Variants in SMAD2 observed in about 807,000 individuals in gnomAD.
SMAD2 encodes the protein SMAD family member 2, also known as MAD homolog 2.
In SMAD2, 8 loss-of-function variants were observed where a neutral mutation model predicts 64.4. The ratio of observed to expected loss-of-function variants is 0.12; its 90% confidence interval spans 0.07 to 0.22. The LOEUF (loss-of-function observed/expected upper bound fraction) is 0.22. SMAD2 is among the 10% of genes least tolerant of loss of function. The pLI, the probability that SMAD2 is intolerant of heterozygous loss-of-function variation, is 1.00. For synonymous variants in SMAD2, 203 were observed against 195.8 expected (o/e 1.04, Z -0.31); for missense variants, 289 against 561.2 (o/e 0.51, Z 4.90).
At position 47,850,222 on chromosome 18, in the gene SMAD2, A is replaced by G. The variant is rs973184451; in HGVS notation, c.784+1052T>C. Among the ~76,000 whole-genome samples, 9 of 63,428 alleles carry G rather than the reference A, an allele frequency of 1.4e-4. 1 individual carries two copies. The highest frequency in any genetic ancestry group is 4.4e-4 in the African/African-American group (7 of 15,950). 41.6% of individuals were successfully genotyped at this position (63,428 alleles called of 152,430 possible). ...TATATATATATTATTATATATATGT[A>G]TAATATATATTATATATTATATATT... is the stretch of plus-strand genomic sequence containing the variant. On this transcript the variant is annotated intron_variant, in intron 7 of 10. Transcript: ENST00000262160.
intron 2 of SMAD2, among the ~76,000 whole-genome samples, chr18:47,877,873 T>C (rs1450506753): frequency 6.6e-6 from 1 of 152,120 alleles, no homozygotes; most frequent in South Asian, 2.1e-4. Flanking sequence ...TTCAAAAAGG[T>C]TGAATCATCA....
At position 47,816,092 on chromosome 18, in the gene SMAD2, T is replaced by G. The variant is rs1912355517; in HGVS notation, c.*25735A>C. The G allele has an allele frequency of 6.6e-6, 1 of 152,234 alleles. No individual in the cohort carries two copies. Among genetic ancestry groups the G allele is most frequent in the African/African-American group, 2.4e-5 (1 of 41,456 alleles). The allele number at this position is 152,234 out of a possible 1,614,324, so 9.4% of individuals were successfully genotyped here. On this transcript the variant is annotated 3_prime_UTR_variant, in exon 11 of 11. Coordinates refer to ENST00000262160, the MANE Select transcript of SMAD2 (RefSeq NM_005901.6). Reference sequence around the variant, plus strand: ...GACGGTAAACACATACCTCATGTCTTGGCTTCTAGAGCCCGGAGATAAGAT... The same window carrying G: ...GACGGTAAACACATACCTCATGTCTGGGCTTCTAGAGCCCGGAGATAAGAT...
In SMAD2 at chr18:47,903,098, A is replaced by G. The variant is rs368550948; in HGVS notation, c.-53-6289T>C. Among the ~76,000 whole-genome samples the G allele has an allele frequency of 2.5e-4, 38 of 152,174 alleles. No homozygotes were observed. In the East Asian group the frequency reaches 7.0e-3, roughly 28 times the overall value. ...CCATAAATGCAAAAAATCTACCCTC[A>G]TCAATGGGGGATGGGGGGAGGGACA... On this transcript the variant is annotated intron_variant, in intron 1 of 10. Coordinates refer to ENST00000262160, the MANE Select transcript of SMAD2 (RefSeq NM_005901.6).
chr18:47,811,271 A>C lies in SMAD2; in HGVS notation c.*30556T>G, dbSNP rs964681809. The C allele has an allele frequency of 6.6e-6, 1 of 152,158 alleles. No individual in the cohort carries two copies. Among genetic ancestry groups the C allele is most frequent in the Non-Finnish European group, 1.5e-5 (1 of 68,120 alleles). 9.4% of individuals were successfully genotyped at this position (152,158 alleles called of 1,614,324 possible). On this transcript the variant is annotated 3_prime_UTR_variant, in exon 11 of 11. Transcript: ENST00000262160. ...TGGATCACAAGGTCAGGAGATTGAG[A>C]CCATCCTGGCTAACACGGTGAAACC... is the stretch of plus-strand genomic sequence containing the variant.
rs1181291275 is a variant in SMAD2, at chr18:47,813,888, T to A, written c.*27939A>T. 1 of 151,956 alleles carries A rather than the reference T, an allele frequency of 6.6e-6. No homozygotes were observed. Among genetic ancestry groups the A allele is most frequent in the African/African-American group, 2.4e-5 (1 of 41,348 alleles). The allele number at this position is 151,956 out of a possible 1,614,324, so 9.4% of individuals were successfully genotyped here. The stretch of plus-strand genomic sequence containing the variant: ...CATAATTTAACAAGAAAGGTAGGCA[T>A]AGATAGGCCTAATTATGATGAATGC... On this transcript the variant is annotated 3_prime_UTR_variant, in exon 11 of 11. Transcript: ENST00000262160.
chr18:47,892,498 TTA>T (rs2033245196), intron 2 of SMAD2, among the ~76,000 whole-genome samples: 1 of 152,104 alleles, frequency 6.6e-6, no homozygotes, highest in Non-Finnish European at 1.5e-5. Flanking sequence ...CCATGCCTAG[TTA>T]TGTTTTTGTG....
intron 6 of SMAD2, among the ~76,000 whole-genome samples, chr18:47,857,937 A>G (rs142876063): frequency 8.5e-5 from 13 of 152,208 alleles, no homozygotes; most frequent in Non-Finnish European, 1.6e-4. Flanking sequence ...TAGGGAACTG[A>G]CCCTCCCTGA....
chr18:47,907,355 T>C (rs1200707614), intron 1 of SMAD2, among the ~76,000 whole-genome samples: 1 of 152,316 alleles, frequency 6.6e-6, no homozygotes, highest in East Asian at 1.9e-4. Flanking sequence ...AATGAGCTTA[T>C]ACACTCCACA....
chr18:47,844,203 A>G (rs1037888031), intron 10 of SMAD2, among the ~76,000 whole-genome samples: 42 of 152,180 alleles, frequency 2.8e-4, no homozygotes, highest in African/African-American at 9.4e-4. Flanking sequence ...AATATATACC[A>G]TATATTTTTA....
intron 1 of SMAD2, chr18:47,922,409 A>G (rs1363637603): frequency 6.6e-6 from 1 of 152,228 alleles, no homozygotes; most frequent in Non-Finnish European, 1.5e-5. Flanking sequence ...CTGTGACTGT[A>G]CTGAACATGT....
chr18:47,928,774 A>C (rs1310956781), intron 1 of SMAD2, among the ~76,000 whole-genome samples: 1 of 152,214 alleles, frequency 6.6e-6, no homozygotes, highest in Non-Finnish European at 1.5e-5. Flanking sequence ...ATAAAAACCA[A>C]GCTCTAAGAG....
intron 1 of SMAD2, among the ~76,000 whole-genome samples, chr18:47,901,353 A>T (rs534539359): frequency 6.6e-6 from 1 of 152,132 alleles, no homozygotes; most frequent in East Asian, 1.9e-4. Context: ...TTTGGATGGT[A>T]TACCTTTTCG....
intron 2 of SMAD2, among the ~76,000 whole-genome samples, chr18:47,890,514 C>T (rs573474345): frequency 6.6e-6 from 1 of 152,154 alleles, no homozygotes; most frequent in Non-Finnish European, 1.5e-5. Flanking sequence ...AATCATATTC[C>T]TAGCTATAAT....
chr18:47,850,284 ATAT>A (rs1915071902), intron 7 of SMAD2, among the ~76,000 whole-genome samples: 1 of 56,828 alleles, frequency 1.8e-5, no homozygotes, highest in Non-Finnish European at 2.9e-5. Flanking sequence ...TATATTATAT[ATAT>A]TATGTATAAT....
At chr18:47,898,248 T>G (rs755787930) in intron 1 of SMAD2, among the ~76,000 whole-genome samples, 1 of 152,228 alleles carries the variant, frequency 6.6e-6, no homozygotes, top group Non-Finnish European at 1.5e-5. Flanking sequence ...GACAGCTTTA[T>G]TCTAAGTAAT....
At chr18:47,849,137 G>A (rs754923425) in intron 7 of SMAD2, among the ~76,000 whole-genome samples, 2 of 151,886 alleles carry the variant, frequency 1.3e-5, no homozygotes, top group African/African-American at 4.8e-5. Flanking sequence ...ATAATAAAAG[G>A]ATACAAAATA....
intron 5 of SMAD2, chr18:47,867,498 A>T (rs1026738024): frequency 6.6e-6 from 1 of 152,028 alleles, no homozygotes; most frequent in Non-Finnish European, 1.5e-5. Context: ...TAGTGTATAA[A>T]ATAAGAGTGG....
intron 1 of SMAD2, among the ~76,000 whole-genome samples, chr18:47,898,983 G>T (rs915965606): frequency 2.6e-5 from 4 of 152,016 alleles, no homozygotes; most frequent in Non-Finnish European, 5.9e-5. Context: ...GTTGAGCTGG[G>T]ACGGGTAGGA....
In SMAD2 at chr18:47,831,988, G is replaced by C. The variant is rs902287357; in HGVS notation, c.*9839C>G. On this transcript the variant is annotated 3_prime_UTR_variant, in exon 11 of 11. Coordinates refer to ENST00000262160, the MANE Select transcript of SMAD2 (RefSeq NM_005901.6). ...AACTGTATGTTGCAAACATGTTCCT[G>C]AACATTCTTCACCCAAACTTAGACA... The C allele has an allele frequency of 9.2e-5, 14 of 152,244 alleles. No homozygotes were observed. Among genetic ancestry groups the C allele is most frequent in the African/African-American group, 3.1e-4 (13 of 41,540 alleles). The allele number at this position is 152,244 out of a possible 1,614,324, so 9.4% of individuals were successfully genotyped here. A position where few individuals can be genotyped will look rare whatever the true frequency, so the allele number is the denominator to read the frequency against.
Sources: gnomAD v4.1 joint callset for allele counts (sites outside exome capture counted in the v4.1 genomes callset) on GRCh38, gnomAD v4.1.1 for gene constraint, MANE v1.5 for transcripts, NCBI Gene and HGNC (gene_info 2026-07-23, HGNC 2026-07-21) for gene names.